Variants in ZC3H12B observed in about 807,000 individuals in gnomAD.
The protein encoded by ZC3H12B is probable ribonuclease ZC3H12B.
Under a neutral mutation model 43.9 loss-of-function variants are expected in ZC3H12B, and 7 were observed. The ratio of observed to expected loss-of-function variants is 0.16; its 90% CI spans 0.09 to 0.30. ZC3H12B has a LOEUF of 0.30. ZC3H12B is among the 10% of genes least tolerant of loss of function. The pLI is 1.00. For synonymous variants in ZC3H12B, 222 were observed against 241.7 expected, an observed-to-expected ratio of 0.92 and a Z score of 0.76; for missense variants, 475 against 670.2, an observed-to-expected ratio of 0.71 and a Z score of 3.22.
exon 1 of ZC3H12B, chrX:65,489,368 T>G: frequency 8.3e-7 from 1 of 1,206,867 alleles, no homozygotes; most frequent in Non-Finnish European, 1.1e-6. Context: ...ACAGTGACAA[T>G]TTGAGGCCAG....
At chrX:65,304,151 T>A in the ZC3H12B span, among the ~76,000 whole-genome samples, 1 of 112,202 alleles carries the variant, frequency 8.9e-6, no homozygotes, top group Admixed American at 9.4e-5. Flanking sequence ...CTAACTTATT[T>A]AAGACAGTGT....
At chrX:65,430,263 G>A (rs1158538398) in intron 3 of ZC3H12B, among the ~76,000 whole-genome samples, 8 of 111,008 alleles carry the variant, frequency 7.2e-5, no homozygotes, top group African/African-American at 2.6e-4. Context: ...GGCTCACAAG[G>A]GGATCTCCTG....
At chrX:65,129,657 A>G in the ZC3H12B span, among the ~76,000 whole-genome samples, 1 of 111,318 alleles carries the variant, frequency 9.0e-6, no homozygotes, top group South Asian at 3.8e-4. Flanking sequence ...CACAGAGTAT[A>G]TGATGGCTTA....
chrX:65,109,048 A>T, the ZC3H12B span, among the ~76,000 whole-genome samples: 1 of 111,695 alleles, frequency 9.0e-6, no homozygotes, highest in Non-Finnish European at 1.9e-5. Context: ...TGGTGCCAGT[A>T]CTTCAGGGTT....
the ZC3H12B span, among the ~76,000 whole-genome samples, chrX:65,192,332 A>G: frequency 9.0e-6 from 1 of 111,556 alleles, no homozygotes; most frequent in African/African-American, 3.3e-5. Flanking sequence ...TCCAATTTGG[A>G]TACCCTTTTT....
At chrX:65,137,439 G>T in the ZC3H12B span, among the ~76,000 whole-genome samples, 1 of 111,816 alleles carries the variant, frequency 8.9e-6, no homozygotes, top group Non-Finnish European at 1.9e-5. Flanking sequence ...TGAATAGTTC[G>T]TTATGATGAA....
the ZC3H12B span, among the ~76,000 whole-genome samples, chrX:65,096,996 C>T: frequency 9.0e-6 from 1 of 111,294 alleles, no homozygotes; most frequent in South Asian, 3.8e-4. Flanking sequence ...TACCATGTTG[C>T]CTTATGCATC....
At chrX:65,256,930 G>A in the ZC3H12B span, among the ~76,000 whole-genome samples, 1 of 112,044 alleles carries the variant, frequency 8.9e-6, no homozygotes, top group Non-Finnish European at 1.9e-5. Context: ...TTAGAATGGC[G>A]ATCATGAAAA....
chrX:65,258,872 A>G, the ZC3H12B span, among the ~76,000 whole-genome samples: 1 of 111,510 alleles, frequency 9.0e-6, no homozygotes, highest in Non-Finnish European at 1.9e-5. Flanking sequence ...GAGGTGAAAG[A>G]ACTCTACAAG....
At chrX:65,411,556 T>C (rs2066903564) in intron 3 of ZC3H12B, among the ~76,000 whole-genome samples, 1 of 109,480 alleles carries the variant, frequency 9.1e-6, no homozygotes, top group Non-Finnish European at 1.9e-5. Flanking sequence ...TGAAAACCCG[T>C]CTCTACTAAA....
At chrX:65,227,649 G>C in the ZC3H12B span, among the ~76,000 whole-genome samples, 1 of 110,992 alleles carries the variant, frequency 9.0e-6, no homozygotes, top group South Asian at 3.8e-4. Flanking sequence ...GACTAATAAA[G>C]AAGAAAAGAG....
chrX:65,288,938 A>G, the ZC3H12B span, among the ~76,000 whole-genome samples: 1 of 111,665 alleles, frequency 9.0e-6, no homozygotes, highest in Non-Finnish European at 1.9e-5. Flanking sequence ...GCATTTTTAT[A>G]CATTAAAAAT....
chrX:65,051,341 T>A, the ZC3H12B span, among the ~76,000 whole-genome samples: 1 of 111,864 alleles, frequency 8.9e-6, no homozygotes, highest in Admixed American at 9.5e-5. Context: ...TCTGTGTATT[T>A]CTGCTCTGGT....
the ZC3H12B span, among the ~76,000 whole-genome samples, chrX:65,148,497 GA>G: frequency 3.6e-5 from 4 of 111,315 alleles, no homozygotes; most frequent in African/African-American, 1.3e-4. Flanking sequence ...CATGCGTCTG[GA>G]GACCAGGTTG....
chrX:65,388,370 T>A (rs2066560916), intron 2 of ZC3H12B, among the ~76,000 whole-genome samples: 1 of 111,905 alleles, frequency 8.9e-6, no homozygotes, highest in South Asian at 3.7e-4. Context: ...AAACTTCTCT[T>A]CTTGCTTCAT....
the ZC3H12B span, among the ~76,000 whole-genome samples, chrX:65,038,138 T>C: frequency 9.0e-6 from 1 of 111,258 alleles, no homozygotes; most frequent in Non-Finnish European, 1.9e-5. Flanking sequence ...GAGGTATGTC[T>C]CCTAACAGAA....
the ZC3H12B span, among the ~76,000 whole-genome samples, chrX:65,123,505 G>T: frequency 7.3e-5 from 8 of 110,328 alleles, no homozygotes; most frequent in African/African-American, 2.6e-4. Context: ...TTTTTTTCTA[G>T]TTCTGTGATG....
chrX:65,446,022 C>T (rs2067371247), intron 3 of ZC3H12B, among the ~76,000 whole-genome samples: 1 of 111,258 alleles, frequency 9.0e-6, no homozygotes, highest in Non-Finnish European at 1.9e-5. Flanking sequence ...CTGGCTACTG[C>T]TGATGTTTAT....
the ZC3H12B span, among the ~76,000 whole-genome samples, chrX:65,213,630 A>T: frequency 9.0e-6 from 1 of 110,988 alleles, no homozygotes; most frequent in East Asian, 2.8e-4. Flanking sequence ...TTTTCTAGTC[A>T]GATAACTATG....
Sources: gnomAD v4.1 joint callset for allele counts (sites outside exome capture counted in the v4.1 genomes callset) on GRCh38, gnomAD v4.1.1 for gene constraint, MANE v1.5 for transcripts, NCBI Gene and HGNC (gene_info 2026-07-23, HGNC 2026-07-21) for gene names.